Variants in RBFOX1 observed in about 807,000 individuals in gnomAD.
RBFOX1 encodes RNA binding fox-1 homolog 1.
In RBFOX1, 8 loss-of-function variants were observed where a neutral mutation model predicts 57.7. That is an observed-to-expected ratio of 0.14 (90% CI 0.08 to 0.25). The LOEUF (loss-of-function observed/expected upper bound fraction) is 0.25. RBFOX1 is among the 10% of genes least tolerant of loss of function. The probability of loss-of-function intolerance (pLI) is 1.00; values close to 1 mark genes in which losing one functional copy is unlikely to be tolerated. For missense variants in RBFOX1, 611 were observed against 548.5 expected (o/e 1.11, Z -1.14); for synonymous variants, 326 against 222.4 (o/e 1.47, Z -4.15).
chr16:5,432,548 T>G (rs954769991), intron 1 of RBFOX1, among the ~76,000 whole-genome samples: 4 of 133,260 alleles, frequency 3.0e-5, no homozygotes. Context: ...TTTTTTTTTT[T>G]TTGTTTGTTT....
intron 2 of RBFOX1, among the ~76,000 whole-genome samples, chr16:6,477,395 A>T (rs1282869555): frequency 6.6e-6 from 1 of 152,208 alleles, no homozygotes. Flanking sequence ...AACAGGCACG[A>T]ACAGAACACT....
intron 3 of RBFOX1, among the ~76,000 whole-genome samples, chr16:6,911,572 A>T (rs1035767126): frequency 6.6e-6 from 1 of 152,170 alleles, no homozygotes; most frequent in Non-Finnish European, 1.5e-5. Context: ...ATGACCCATA[A>T]TGACTTAATT....
chr16:6,530,138 C>A (rs547660519), intron 2 of RBFOX1, among the ~76,000 whole-genome samples: 3 of 152,108 alleles, frequency 2.0e-5, no homozygotes, highest in Non-Finnish European at 2.9e-5. Flanking sequence ...TTCTTTCCTC[C>A]CCTTCTTTTA....
intron 1 of RBFOX1, among the ~76,000 whole-genome samples, chr16:5,381,931 G>T (rs1317144549): frequency 6.6e-6 from 1 of 152,198 alleles, no homozygotes; most frequent in Non-Finnish European, 1.5e-5. Context: ...CTTTGCTGTG[G>T]TGTCTGTCAT....
intron 1 of RBFOX1, among the ~76,000 whole-genome samples, chr16:6,094,741 GTGT>G (rs1304709162): frequency 1.6e-4 from 24 of 152,184 alleles, no homozygotes; most frequent in Non-Finnish European, 1.3e-4. Flanking sequence ...CAACCTCATA[GTGT>G]TGTTGTGAGG....
intron 3 of RBFOX1, among the ~76,000 whole-genome samples, chr16:6,703,611 G>A (rs184005301): frequency 3.3e-5 from 5 of 152,214 alleles, no homozygotes; most frequent in African/African-American, 1.2e-4. Flanking sequence ...GGAGGCTGAG[G>A]TGGGAGGATC....
chr16:6,918,740 G>A (rs1053167311), intron 3 of RBFOX1, among the ~76,000 whole-genome samples: 6 of 152,072 alleles, frequency 3.9e-5, no homozygotes, highest in Non-Finnish European at 7.4e-5. Flanking sequence ...AACATGAAGC[G>A]GCAGTCTCAC....
intron 2 of RBFOX1, among the ~76,000 whole-genome samples, chr16:6,565,241 A>G (rs575602489): frequency 6.7e-6 from 1 of 148,206 alleles, no homozygotes; most frequent in African/African-American, 2.4e-5. Context: ...CAAATGTGAA[A>G]TGACTTTTTC....
chr16:5,721,451 C>CT (rs2051930987), intron 3 of RBFOX1, among the ~76,000 whole-genome samples: 1 of 152,062 alleles, frequency 6.6e-6, no homozygotes, highest in Non-Finnish European at 1.5e-5. Flanking sequence ...AGCCGGATGC[C>CT]TTTTTTTCTT....
At chr16:6,277,684 AAAT>A (rs1599099426) in intron 1 of RBFOX1, among the ~76,000 whole-genome samples, 1 of 151,166 alleles carries the variant, frequency 6.6e-6, no homozygotes, top group East Asian at 1.9e-4. Context: ...AAAAAAAAAA[AAAT>A]GTCCATTTTC....
intron 1 of RBFOX1, among the ~76,000 whole-genome samples, chr16:5,280,816 CCTTT>C (rs756639532): frequency 4.0e-5 from 6 of 151,236 alleles, no homozygotes; most frequent in East Asian, 3.9e-4. Flanking sequence ...ATTTGGGTCT[CCTTT>C]CTTTCTTTTT....
chr16:6,075,321 G>C (rs1478914871), intron 1 of RBFOX1, among the ~76,000 whole-genome samples: 1 of 152,166 alleles, frequency 6.6e-6, no homozygotes, highest in African/African-American at 2.4e-5. Flanking sequence ...AAAATAAATA[G>C]AGAAATACTC....
intron 1 of RBFOX1, among the ~76,000 whole-genome samples, chr16:6,223,276 A>G (rs1488036154): frequency 6.6e-6 from 1 of 151,102 alleles, no homozygotes; most frequent in Admixed American, 6.6e-5. Flanking sequence ...GAATCGCCAC[A>G]CTGACTTCCA....
At chr16:7,028,546 C>T (rs535110077) in intron 3 of RBFOX1, among the ~76,000 whole-genome samples, 3 of 124,316 alleles carry the variant, frequency 2.4e-5, no homozygotes, top group South Asian at 2.6e-4. Flanking sequence ...GAGGTTGAAG[C>T]ATTGCACTCC....
At chr16:5,249,834 C>G (rs572342054) in intron 1 of RBFOX1, among the ~76,000 whole-genome samples, 204 of 152,288 alleles carry the variant, frequency 1.3e-3, no homozygotes, top group African/African-American at 4.8e-3. Context: ...TGGTGCCCAC[C>G]TGTAATCCTA....
chr16:6,474,815 T>G (rs965283215), intron 2 of RBFOX1, among the ~76,000 whole-genome samples: 1 of 152,214 alleles, frequency 6.6e-6, no homozygotes, highest in Non-Finnish European at 1.5e-5. Flanking sequence ...GTGCCCACTT[T>G]TTTGACTCAT....
At chr16:6,280,678 T>C (rs1047028551) in intron 1 of RBFOX1, among the ~76,000 whole-genome samples, 5 of 152,076 alleles carry the variant, frequency 3.3e-5, no homozygotes, top group Non-Finnish European at 7.4e-5. Flanking sequence ...AGGGAAATTA[T>C]ATAACCAAAA....
At chr16:7,345,605 C>T (rs1056600402) in intron 4 of RBFOX1, among the ~76,000 whole-genome samples, 1 of 152,230 alleles carries the variant, frequency 6.6e-6, no homozygotes, top group South Asian at 2.1e-4. Flanking sequence ...ATACAGAACG[C>T]CAGTCATCAG....
At chr16:7,293,390 G>C (rs770879791) in intron 4 of RBFOX1, among the ~76,000 whole-genome samples, 2 of 152,132 alleles carry the variant, frequency 1.3e-5, no homozygotes, top group African/African-American at 2.4e-5. Context: ...ATCACCCATG[G>C]ATAGTGAACG....
Sources: gnomAD v4.1 joint callset for allele counts (sites outside exome capture counted in the v4.1 genomes callset) on GRCh38, gnomAD v4.1.1 for gene constraint, MANE v1.5 for transcripts, NCBI Gene and HGNC (gene_info 2026-07-23, HGNC 2026-07-21) for gene names.